MAD1L1: variants seen among roughly 807,000 people sequenced by gnomAD.
MAD1L1 encodes mitotic arrest deficient 1 like 1, also known as mitotic spindle assembly checkpoint protein MAD1.
Under a neutral mutation model 96.9 loss-of-function variants are expected in MAD1L1, and 95 were observed. The observed-to-expected ratio is 0.98, with a 90% CI of 0.83 to 1.16. The LOEUF (loss-of-function observed/expected upper bound fraction) is 1.16. Ranked by LOEUF, MAD1L1 falls within the 50% of genes most tolerant of loss-of-function variation. The pLI is 0.00. For missense variants in MAD1L1, 1,007 were observed against 954.4 expected (o/e 1.06, Z -0.73); for synonymous variants, 473 against 396.6 (o/e 1.19, Z -2.29).
chr7:1,895,208 G>A (rs554139515), intron 18 of MAD1L1, among the ~76,000 whole-genome samples: 3 of 152,184 alleles, frequency 2.0e-5, no homozygotes, highest in Non-Finnish European at 4.4e-5. Flanking sequence ...TTCTTCCTGC[G>A]GGGACTTCAC....
At chr7:1,965,412 G>A (rs1780122257) in intron 15 of MAD1L1, among the ~76,000 whole-genome samples, 1 of 152,246 alleles carries the variant, frequency 6.6e-6, no homozygotes, top group Non-Finnish European at 1.5e-5. Context: ...GCCCGGCTCT[G>A]GAAGGCCCAC....
chr7:2,047,856 C>G (rs1254295418), intron 12 of MAD1L1, among the ~76,000 whole-genome samples: 1 of 152,204 alleles, frequency 6.6e-6, no homozygotes, highest in Non-Finnish European at 1.5e-5. Flanking sequence ...CAATCACACA[C>G]GTGCACTCAC....
chr7:1,817,798 G>T (rs1781900248), intron 18 of MAD1L1, among the ~76,000 whole-genome samples: 1 of 152,048 alleles, frequency 6.6e-6, no homozygotes, highest in African/African-American at 2.4e-5. Context: ...GAGCCACAGG[G>T]CGGCCTGGCT....
chr7:2,229,930 C>G (rs899266001), intron 3 of MAD1L1, 54 bp downstream of exon 3: 12 of 1,583,244 alleles, frequency 7.6e-6, no homozygotes, highest in Non-Finnish European at 9.4e-6. Context: ...AGAGGTCCTG[C>G]CCGGGCCCAG....
At chr7:1,922,672 G>A (rs186294841) in intron 17 of MAD1L1, among the ~76,000 whole-genome samples, 3 of 152,316 alleles carry the variant, frequency 2.0e-5, no homozygotes, top group Non-Finnish European at 2.9e-5. Flanking sequence ...CTGGGACATG[G>A]ACCAAGGCGG....
intron 12 of MAD1L1, among the ~76,000 whole-genome samples, chr7:2,065,626 A>G (rs1326907396): frequency 1.3e-5 from 2 of 152,180 alleles, no homozygotes; most frequent in African/African-American, 2.4e-5. Context: ...CAGACCCTCA[A>G]CAACTCCAGA....
At position 2,018,487 on chromosome 7, in the gene MAD1L1, C is replaced by A. The variant is rs936613947; in HGVS notation, c.1219-3845G>T. Reference sequence around the variant, plus strand: ...GCAGGTGGGGCAGGCGCGTCCCGCACGATGGGGACAGCCTCTGGCCATGGC... The same window carrying A: ...GCAGGTGGGGCAGGCGCGTCCCGCAAGATGGGGACAGCCTCTGGCCATGGC... On this transcript the variant is annotated intron_variant, in intron 12 of 18. Coordinates refer to ENST00000265854, the MANE Select transcript of MAD1L1 (RefSeq NM_001013836.2). 2.0e-5 allele frequency among the ~76,000 whole-genome samples: 3 copies of A among 152,308 alleles called. No individual in the cohort carries two copies. The East Asian group carries it at 5.8e-4, about 29-fold the overall frequency.
intron 14 of MAD1L1, among the ~76,000 whole-genome samples, chr7:1,995,540 C>T (rs1397438102): frequency 1.3e-5 from 2 of 152,098 alleles, no homozygotes; most frequent in African/African-American, 4.8e-5. Flanking sequence ...AGGGCGGGCG[C>T]AGGAGCCCCA....
intron 11 of MAD1L1, among the ~76,000 whole-genome samples, chr7:2,077,571 C>G (rs4721372): frequency 0.1 from 15,559 of 152,252 alleles, 1,148 homozygotes; most frequent in African/African-American, 0.2. Flanking sequence ...AGCAAGTGCA[C>G]GGGCTTGGCT....
chr7:1,866,761 A>G (rs1429671677), intron 18 of MAD1L1, among the ~76,000 whole-genome samples: 1 of 152,124 alleles, frequency 6.6e-6, no homozygotes, highest in Non-Finnish European at 1.5e-5. Flanking sequence ...GGCTGACGGG[A>G]GCCCTGAGGG....
At chr7:1,918,682 C>T (rs966796968) in intron 17 of MAD1L1, among the ~76,000 whole-genome samples, 1 of 152,244 alleles carries the variant, frequency 6.6e-6, no homozygotes, top group Non-Finnish European at 1.5e-5. Context: ...TATTACCCAA[C>T]ACCAACACCA....
chr7:2,041,599 T>A (rs1356030566), intron 12 of MAD1L1, among the ~76,000 whole-genome samples: 1 of 152,180 alleles, frequency 6.6e-6, no homozygotes, highest in Non-Finnish European at 1.5e-5. Flanking sequence ...CAGCAGCGAC[T>A]GAATAAAATC....
rs182882817 is a variant in MAD1L1 at position 1,848,072 on chromosome 7, T to A, written c.1999-31844A>T. 214 of 299,846 alleles carry A rather than the reference T, an allele frequency of 7.1e-4. 3 individuals are homozygous for A. The highest frequency in any genetic ancestry group is 4.2e-3 in the African/African-American group (193 of 45,826). 18.6% of individuals were successfully genotyped at this position (299,846 alleles called of 1,614,324 possible). On this transcript the variant is annotated intron_variant, in intron 18 of 18. Coordinates refer to ENST00000265854, the MANE Select transcript of MAD1L1 (RefSeq NM_001013836.2). ...GGGATGTGGTGGGACGGGGCTGGGG[T>A]GTGCAGAGACGATGATGGAGGAGCT...
At chr7:2,010,603 C>T (rs568837761) in intron 13 of MAD1L1, among the ~76,000 whole-genome samples, 4 of 152,322 alleles carry the variant, frequency 2.6e-5, no homozygotes, top group East Asian at 3.9e-4. Flanking sequence ...CTTCACCAGA[C>T]GGGTCTGGGG....
intron 18 of MAD1L1, among the ~76,000 whole-genome samples, chr7:1,827,732 T>TCCC (rs1562432223): frequency 0.086 from 1,535 of 17,920 alleles, 456 homozygotes; most frequent in South Asian, 0.11. Context: ...GAGCCCTGCG[T>TCCC]GGCTGTGGGG....
At chr7:1,994,418 G>A (rs1781470173) in intron 14 of MAD1L1, among the ~76,000 whole-genome samples, 1 of 152,216 alleles carries the variant, frequency 6.6e-6, no homozygotes, top group South Asian at 2.1e-4. Flanking sequence ...GCTTGGAAGG[G>A]CGTGAGAAGA....
intron 11 of MAD1L1, among the ~76,000 whole-genome samples, chr7:2,126,368 C>A (rs1347804084): frequency 2.0e-5 from 3 of 152,290 alleles, no homozygotes; most frequent in East Asian, 3.9e-4. Flanking sequence ...GGCACTCGGG[C>A]ATGCACAGAA....
chr7:2,161,936 G>T (rs1268231194), intron 10 of MAD1L1, among the ~76,000 whole-genome samples: 1 of 144,250 alleles, frequency 6.9e-6, no homozygotes, highest in Non-Finnish European at 1.6e-5. Flanking sequence ...GAGGTGGGGG[G>T]CAGCCCCCAC....
chr7:2,043,911 G>A (rs565767761), intron 12 of MAD1L1, among the ~76,000 whole-genome samples: 90 of 152,382 alleles, frequency 5.9e-4, no homozygotes, highest in African/African-American at 2.1e-3. Flanking sequence ...ACCTCACCGT[G>A]CAGGAACAGG....
Sources: gnomAD v4.1 joint callset for allele counts (sites outside exome capture counted in the v4.1 genomes callset) on GRCh38, gnomAD v4.1.1 for gene constraint, MANE v1.5 for transcripts, NCBI Gene and HGNC (gene_info 2026-07-23, HGNC 2026-07-21) for gene names.